TMIGD3: variants seen among roughly 807,000 people sequenced by gnomAD.
TMIGD3 encodes the protein AD026 protein (AD026).
TMIGD3 carries 21 observed loss-of-function variants against 28.1 expected under a neutral mutation model. That is an observed-to-expected ratio of 0.75 (90% CI 0.53 to 1.08). The LOEUF is 1.08. Among genes scored for constraint, TMIGD3 ranks in the 50% least tolerant of loss-of-function variants. TMIGD3 has a pLI of 0.00. For missense variants in TMIGD3, 416 were observed against 435.6 expected (o/e 0.96, Z 0.40); for synonymous variants, 151 against 162.1 (o/e 0.93, Z 0.52).
At position 111,517,879 on chromosome 1, in the gene TMIGD3, C is replaced by G. The variant is rs140310447; in HGVS notation, c.108-27117G>C. ...AGAGCTTCATATTAAAACCAGTGCC[C>G]CTCTCAGCATTAGCCTCATAATGAC... On this transcript the variant is annotated intron_variant, in intron 1 of 5. Transcript: ENST00000369717. Among the ~76,000 whole-genome samples, 1,060 of 152,296 alleles carry G rather than the reference C, an allele frequency of 7.0e-3. 15 individuals are homozygous for G. Among genetic ancestry groups the G allele is most frequent in the African/African-American group, 0.025 (1,020 of 41,554 alleles).
At chr1:111,515,989 C>T (rs538444727) in intron 1 of TMIGD3, among the ~76,000 whole-genome samples, 47 of 152,322 alleles carry the variant, frequency 3.1e-4, no homozygotes, top group African/African-American at 1.1e-3. Flanking sequence ...GGTGGGACCG[C>T]ATGATTCCTG....
At chr1:111,485,135 G>A (rs1036893788) in intron 5 of TMIGD3, among the ~76,000 whole-genome samples, 1 of 152,184 alleles carries the variant, frequency 6.6e-6, no homozygotes, top group African/African-American at 2.4e-5. Flanking sequence ...AGGTTGCAGT[G>A]AGCTGAGATC....
chr1:111,539,680 C>A (rs1190961019), intron 1 of TMIGD3, among the ~76,000 whole-genome samples: 6 of 152,134 alleles, frequency 3.9e-5, no homozygotes, highest in Admixed American at 2.6e-4. Context: ...ACACAATATC[C>A]CCCTACTCCC....
intron 1 of TMIGD3, among the ~76,000 whole-genome samples, chr1:111,496,532 C>A (rs1402763500): frequency 6.6e-6 from 1 of 152,180 alleles, no homozygotes; most frequent in Non-Finnish European, 1.5e-5. Context: ...CAGAAACCAC[C>A]AAACTAACCT....
intron 1 of TMIGD3, among the ~76,000 whole-genome samples, chr1:111,536,468 T>A (rs1035409973): frequency 1.3e-5 from 2 of 152,114 alleles, no homozygotes; most frequent in African/African-American, 2.4e-5. Context: ...ACTTGCACTA[T>A]TAACTTCCTA....
chr1:111,563,771 T>C lies in TMIGD3; in HGVS notation c.107+75A>G, dbSNP rs1232885383. 2.8e-6 allele frequency: 3 copies of C among 1,077,282 alleles called. No homozygotes were observed. The Admixed American group carries it at 5.3e-5, about 19-fold the overall frequency. 66.7% of individuals were successfully genotyped at this position (1,077,282 alleles called of 1,614,324 possible). A position where few individuals can be genotyped will look rare whatever the true frequency, so the allele number is the denominator to read the frequency against. ...GCTTGCCCCATATCATGAATAAATG[T>C]TCCAAAGTGGTCAGTATGCAGACTC... is the stretch of plus-strand genomic sequence containing the variant. On this transcript the variant is annotated intron_variant, in intron 1 of 5. Coordinates refer to the TMIGD3 transcript ENST00000369717.
In TMIGD3 at chr1:111,485,726, C is replaced by CAAAATAACCCATAA; in HGVS notation, c.973+13_973+14insTTATGGGTTATTTT. On this transcript the variant is annotated intron_variant, in intron 5 of 5. Transcript: ENST00000369716. Reference sequence around the variant, plus strand: ...AATTCTTGCCCACCCCCTCCCTCAACAATAGCTACTTACCCCTTCTATTCC... The same window carrying CAAAATAACCCATAA: ...AATTCTTGCCCACCCCCTCCCTCAACAAAATAACCCATAAAATAGCTACTTACCCCTTCTATTCC... 1 of 850,660 alleles carries CAAAATAACCCATAA rather than the reference C, an allele frequency of 1.2e-6. No homozygotes were observed. The highest frequency in any genetic ancestry group is 1.9e-6 in the Non-Finnish European group (1 of 522,910). The allele number at this position is 850,660 out of a possible 1,614,324, so 52.7% of individuals were successfully genotyped here. A position where few individuals can be genotyped will look rare whatever the true frequency, so the allele number is the denominator to read the frequency against.
At chr1:111,507,009 ATG>A (rs1257817741), upstream of TMIGD3, among the ~76,000 whole-genome samples, 5,982 of 131,872 alleles carry the variant, frequency 0.045, 158 homozygotes, top group Middle Eastern at 0.072. Context: ...ACACACACAT[ATG>A]TGTGTGTGTG....
intron 1 of TMIGD3, among the ~76,000 whole-genome samples, chr1:111,527,811 T>C (rs1656320910): frequency 6.6e-6 from 1 of 152,246 alleles, no homozygotes. Context: ...TGGTGAGCTG[T>C]CTGTTCAGGT....
chr1:111,487,591 G>A (rs1287012661), intron 3 of TMIGD3, among the ~76,000 whole-genome samples: 3 of 152,028 alleles, frequency 2.0e-5, no homozygotes, highest in African/African-American at 7.2e-5. Flanking sequence ...TGCAAAAGGA[G>A]ATTTTCATCA....
At position 111,483,709 on chromosome 1, in the gene TMIGD3, A is replaced by G; in HGVS notation, c.1022T>C (p.Met341Thr). Residue 341 changes from methionine (M) to threonine (T), a missense_variant, in exon 6 of 6, where the codon ATG (methionine) becomes ACG (threonine). Physicochemically the swap from Met to Thr is moderately conservative, Grantham distance 81. Transcript: ENST00000369716. ...PFSRVLTPKE[M>T]APTEQM Reference sequence around the variant, plus strand: ...CAGTCACATCTGTTCAGTAGGAGCCATTTCCTTTGGAGTCAGGACACGCGA... The same window carrying G: ...CAGTCACATCTGTTCAGTAGGAGCCGTTTCCTTTGGAGTCAGGACACGCGA... 1 of 1,614,008 alleles carries G rather than the reference A, an allele frequency of 6.2e-7. No individual in the cohort carries two copies. Among genetic ancestry groups the G allele is most frequent in the Non-Finnish European group, 8.5e-7 (1 of 1,179,910 alleles).
intron 1 of TMIGD3, among the ~76,000 whole-genome samples, chr1:111,551,766 G>GGTTT (rs1553206997): frequency 6.7e-6 from 1 of 149,168 alleles, no homozygotes. Flanking sequence ...GTTTTGTTTT[G>GGTTT]TTTTTTTGAG....
chr1:111,502,231 A>AAT lies in TMIGD3; in HGVS notation c.350+772_350+773dup, dbSNP rs1352318283. Among the ~76,000 whole-genome samples the AAT allele has an allele frequency of 2.3e-4, 5 of 21,642 alleles. 1 individual carries two copies. The highest frequency in any genetic ancestry group is 4.4e-4 in the African/African-American group (4 of 9,058). The allele number at this position is 21,642 out of a possible 152,430, so 14.2% of individuals were successfully genotyped here. A position where few individuals can be genotyped will look rare whatever the true frequency, so the allele number is the denominator to read the frequency against. ...TATAGGATATATATTTATTATAATGAATATATAGGATATATTTATTATAAT... is the reference window on the plus strand; with the variant it reads ...TATAGGATATATATTTATTATAATGAATATATATAGGATATATTTATTATAAT... On this transcript the variant is annotated intron_variant, in intron 1 of 5. Coordinates refer to ENST00000369716, the MANE Select transcript of TMIGD3 (RefSeq NM_020683.7).
intron 1 of TMIGD3, among the ~76,000 whole-genome samples, chr1:111,520,125 A>G (rs964881825): frequency 1.3e-5 from 2 of 152,330 alleles, no homozygotes; most frequent in African/African-American, 4.8e-5. Flanking sequence ...CAAAAACAAC[A>G]ACAACTAATA....
chr1:111,529,575 G>C (rs6665079), intron 1 of TMIGD3, among the ~76,000 whole-genome samples: 21,657 of 135,108 alleles, frequency 0.16, 1,780 homozygotes, highest in East Asian at 0.46. Flanking sequence ...TGACTCTTAA[G>C]GAGCATGCTG....
chr1:111,520,045 T>A (rs1475307645), intron 1 of TMIGD3, among the ~76,000 whole-genome samples: 1 of 152,212 alleles, frequency 6.6e-6, no homozygotes, highest in African/African-American at 2.4e-5. Flanking sequence ...GGTTAACCAC[T>A]GTTAATATAC....
At chr1:111,550,166 A>G (rs1334765644) in intron 1 of TMIGD3, among the ~76,000 whole-genome samples, 1 of 152,206 alleles carries the variant, frequency 6.6e-6, no homozygotes, top group Non-Finnish European at 1.5e-5. Context: ...TAAGATTGAT[A>G]GTAAGGTGCC....
chr1:111,500,658 T>G, intron 1 of TMIGD3: 2 of 1,119,806 alleles, frequency 1.8e-6, no homozygotes, highest in Non-Finnish European at 2.6e-6. Context: ...ATAAGGCATA[T>G]ACTCTCTTAA....
At chr1:111,546,330 C>T (rs146990943) in intron 1 of TMIGD3, among the ~76,000 whole-genome samples, 1 of 152,194 alleles carries the variant, frequency 6.6e-6, no homozygotes, top group African/African-American at 2.4e-5. Flanking sequence ...AGTACATTTA[C>T]ATTGTTGTGC....
Sources: gnomAD v4.1 joint callset for allele counts (sites outside exome capture counted in the v4.1 genomes callset) on GRCh38, gnomAD v4.1.1 for gene constraint, MANE v1.5 for transcripts, NCBI Gene and HGNC (gene_info 2026-07-23, HGNC 2026-07-21) for gene names.